Variants in PKM observed in about 807,000 individuals in gnomAD.
PKM encodes pyruvate kinase PKM.
A neutral mutation model predicts 49.8 loss-of-function variants in PKM; 18 were observed. That is an observed-to-expected ratio of 0.36 (90% CI 0.25 to 0.54). PKM has a LOEUF of 0.54. Among genes scored for constraint, PKM ranks in the 20% least tolerant of loss-of-function variants. The pLI, the probability that PKM is intolerant of heterozygous loss-of-function variation, is 0.89. For synonymous variants in PKM, 239 were observed against 261.8 expected (o/e 0.91, Z 0.84); for missense variants, 508 against 713.8 (o/e 0.71, Z 3.28).
chr15:72,230,861 G>C (rs1367527833), intron 1 of PKM: 2 of 1,151,280 alleles, frequency 1.7e-6, no homozygotes, highest in South Asian at 2.6e-5. Flanking sequence ...CCAGAATGAG[G>C]GGGTAGGGCT....
Position 72,207,266 on chromosome 15 carries a change from A to T in PKM, c.848T>A (p.Ile283Asn), listed in dbSNP as rs766448844. The T allele has an allele frequency of 1.2e-6, 2 of 1,614,156 alleles. No individual in the cohort carries two copies. ...CATGATCCCATCACTGGCCTCCAGG[A>T]TTTCATCAAACCTGATGGACAAAGT... ...NHEGVRRFDE[I>N]LEASDGIMVA... The change falls in exon 7 of 11, where the codon ATC becomes AAC. Residue 283 changes from isoleucine (I) to asparagine (N), a missense_variant. Physicochemically the swap from Ile to Asn is moderately radical, Grantham distance 149. Transcript: ENST00000335181.
At chr15:72,221,151 T>G (rs1047679574) in intron 1 of PKM, 6 of 1,405,528 alleles carry the variant, frequency 4.3e-6, no homozygotes, top group Non-Finnish European at 5.8e-6. Context: ...CTGGGGCCAC[T>G]GAATATCAGG....
chr15:72,228,231 G>A (rs537554844), intron 1 of PKM, among the ~76,000 whole-genome samples: 1 of 152,294 alleles, frequency 6.6e-6, no homozygotes, highest in East Asian at 1.9e-4. Context: ...CAGGAGAGGC[G>A]GCTGTGCCCG....
intron 3 of PKM, among the ~76,000 whole-genome samples, chr15:72,211,938 A>G (rs1014057574): frequency 8.6e-5 from 13 of 152,022 alleles, no homozygotes; most frequent in African/African-American, 3.1e-4. Flanking sequence ...TTTAACCACC[A>G]CTGTCCAGGA....
At chr15:72,229,894 A>G (rs1014806782) in intron 1 of PKM, among the ~76,000 whole-genome samples, 1 of 151,664 alleles carries the variant, frequency 6.6e-6, no homozygotes, top group Non-Finnish European at 1.5e-5. Context: ...CATTTGTTAA[A>G]AAATGTGCCG....
Position 72,208,762 on chromosome 15 carries a change from C to G in PKM, c.695G>C (p.Gly232Ala). ...SEKDIQDLKF[G>A]VEQDVDMVFA... Reference sequence around the variant, plus strand: ...CACCATATCAACATCCTGCTCGACCCCAAACTTCAGATCCTGGATGTCCTT... The same window carrying G: ...CACCATATCAACATCCTGCTCGACCGCAAACTTCAGATCCTGGATGTCCTT... The change falls in exon 6 of 11, where the codon GGG becomes GCG. Residue 232 changes from glycine (G) to alanine (A), a missense_variant. Physicochemically the swap from Gly to Ala is moderately conservative, Grantham distance 60. Transcript: ENST00000335181. 2 of 1,614,146 alleles carry G rather than the reference C, an allele frequency of 1.2e-6. No homozygotes were observed. The highest frequency in any genetic ancestry group is 8.5e-7 in the Non-Finnish European group (1 of 1,180,014).
chr15:72,205,561 G>C (rs760822089), intron 8 of PKM, among the ~76,000 whole-genome samples: 1 of 150,852 alleles, frequency 6.6e-6, no homozygotes, highest in Admixed American at 6.6e-5. Flanking sequence ...AGCTGTTTAA[G>C]CCCAGTAACA....
intron 3 of PKM, 75 bp downstream of exon 3, chr15:72,217,334 G>A: frequency 2.2e-6 from 2 of 899,192 alleles, no homozygotes; most frequent in Non-Finnish European, 3.7e-6. Context: ...GTCCACTGTG[G>A]CTAAACGAAC....
At chr15:72,208,087 G>A (rs757136826) in intron 6 of PKM, among the ~76,000 whole-genome samples, 10 of 152,330 alleles carry the variant, frequency 6.6e-5, no homozygotes, top group Middle Eastern at 6.8e-3. Context: ...ATCTTCCTCT[G>A]AGAGTGGAAT....
In PKM at chr15:72,202,627, G is replaced by T. The variant is rs761046417; in HGVS notation, c.1141-7C>A. ...CCTCTGCCTCACGGGCAATCTAGGG[G>T]AGCAACATCCGTCCAGAGGGACGAG... is the stretch of plus-strand genomic sequence containing the variant. On this transcript the variant is annotated splice_region_variant and splice_polypyrimidine_tract_variant and intron_variant, in intron 8 of 10. Coordinates refer to ENST00000335181, the MANE Select transcript of PKM (RefSeq NM_002654.6). The surrounding 1 kb of genome is among the most constrained non-coding windows in gnomAD (Gnocchi z 4.5). The T allele has an allele frequency of 1.9e-6, 3 of 1,611,846 alleles. No individual in the cohort carries two copies. Among genetic ancestry groups the T allele is most frequent in the Non-Finnish European group, 2.5e-6 (3 of 1,178,914 alleles).
At position 72,221,290 on chromosome 15, in the gene PKM, C is replaced by T. The variant is rs1243398680; in HGVS notation, c.-13-2180G>A. On this transcript the variant is annotated intron_variant, in intron 1 of 10. Coordinates refer to ENST00000335181, the MANE Select transcript of PKM (RefSeq NM_002654.6). Reference sequence around the variant, plus strand: ...ATACGGTGTGCCCTGGAGAGCTGCACAAGGATTAAGGAAAAAGCTGAGTGT... The same window carrying T: ...ATACGGTGTGCCCTGGAGAGCTGCATAAGGATTAAGGAAAAAGCTGAGTGT... The T allele has an allele frequency of 6.6e-6, 10 of 1,516,298 alleles. No homozygotes were observed. In the African/African-American group the frequency reaches 1.2e-4, roughly 19 times the overall value. The allele number at this position is 1,516,298 out of a possible 1,614,324, so 93.9% of individuals were successfully genotyped here.
chr15:72,217,165 G>A (rs1297928366), intron 3 of PKM, among the ~76,000 whole-genome samples: 1 of 152,230 alleles, frequency 6.6e-6, no homozygotes, highest in Non-Finnish European at 1.5e-5. Flanking sequence ...AAGGGTAGGA[G>A]AGGTGTGTGG....
intron 1 of PKM, chr15:72,221,232 T>C (rs1472478633): frequency 3.9e-6 from 6 of 1,535,636 alleles, no homozygotes; most frequent in Admixed American, 2.0e-5. Flanking sequence ...GGGTGGCTCC[T>C]TGGCCTCACT....
intron 1 of PKM, among the ~76,000 whole-genome samples, chr15:72,224,664 A>C (rs1427110757): frequency 6.6e-6 from 1 of 152,060 alleles, no homozygotes; most frequent in African/African-American, 2.4e-5. Context: ...AGAGTTCGAG[A>C]CCAGCCTGGC....
At chr15:72,206,963 G>A in intron 7 of PKM, 83 bp from the exon 8 acceptor site, 1 of 1,532,784 alleles carries the variant, frequency 6.5e-7, no homozygotes, top group Non-Finnish European at 9.0e-7. Context: ...TCTGGATAGT[G>A]AGTAGGTACA....
upstream of PKM, chr15:72,231,471 C>G (rs928164576): frequency 6.6e-6 from 1 of 152,466 alleles, no homozygotes; most frequent in Non-Finnish European, 1.5e-5. Flanking sequence ...GCAACGGGGC[C>G]CGCCCCCGGA....
intron 8 of PKM, among the ~76,000 whole-genome samples, chr15:72,205,686 G>A (rs1056011059): frequency 5.3e-5 from 8 of 150,808 alleles, no homozygotes; most frequent in Admixed American, 3.3e-4. Context: ...TTTAAACTTG[G>A]GGGCTTGGAG....
At position 72,209,804 on chromosome 15, in the gene PKM, T is replaced by C; in HGVS notation, c.434A>G (p.Asp145Gly). Reference protein sequence around the residue: ...KKGATLKITLDNAYMEKCDEN... With the variant: ...KKGATLKITLGNAYMEKCDEN... ...GTCACACTTTTCCATGTAGGCGTTA[T>C]CCAGCGTGATTTTGAGAGTGGCTCC... is the stretch of plus-strand genomic sequence containing the variant. The change falls in exon 5 of 11, where the codon GAT (aspartate) becomes GGT (glycine). Residue 145 changes from aspartate to glycine, a missense_variant. Physicochemically the swap from Asp to Gly is moderately conservative, Grantham distance 94. Coordinates refer to ENST00000335181, the MANE Select transcript of PKM (RefSeq NM_002654.6). 6.2e-7 allele frequency: 1 copy of C among 1,614,058 alleles called. No homozygotes were observed. The highest frequency in any genetic ancestry group is 8.5e-7 in the Non-Finnish European group (1 of 1,179,978).
chr15:72,226,981 AG>A (rs1419584353), intron 1 of PKM, among the ~76,000 whole-genome samples: 1 of 152,256 alleles, frequency 6.6e-6, no homozygotes, highest in African/African-American at 2.4e-5. Context: ...ACCAAGAGGC[AG>A]GAAGGCCCAG....
Sources: gnomAD v4.1 joint callset for allele counts (sites outside exome capture counted in the v4.1 genomes callset) on GRCh38, gnomAD v4.1.1 for gene constraint, Gnocchi (gnomAD v3.1) non-coding constraint, MANE v1.5 for transcripts, NCBI Gene and HGNC (gene_info 2026-07-23, HGNC 2026-07-21) for gene names.